The following SCN1A variants were observed in gnomAD, a reference collection of about 807,000 sequenced individuals.
The protein encoded by SCN1A is sodium channel protein type 1 subunit alpha.
A neutral mutation model predicts 193.7 loss-of-function variants in SCN1A; 13 were observed. That is an observed-to-expected ratio of 0.07 (90% CI 0.04 to 0.11). The LOEUF is 0.11. Ranked by LOEUF, SCN1A falls within the 10% of genes least tolerant of loss-of-function variation. The pLI, the probability that SCN1A is intolerant of heterozygous loss-of-function variation, is 1.00. For synonymous variants in SCN1A, 781 were observed against 843.6 expected (o/e 0.93, Z 1.29); for missense variants, 1,432 against 2,451.1 (o/e 0.58, Z 8.78).
Position 165,990,663 on chromosome 2 carries a change from C to G in SCN1A, c.*582G>C, listed in dbSNP as rs1689005035. On this transcript the variant is annotated 3_prime_UTR_variant, in exon 29 of 29. Transcript: ENST00000674923. ...TGTGACTTTTTCTCATGCATGATCT[C>G]TAAGTGCAGCATGCCCTCATGCAAA... The G allele has an allele frequency of 6.5e-6, 1 of 153,150 alleles. No individual in the cohort carries two copies. The allele number at this position is 153,150 out of a possible 1,614,324, so 9.5% of individuals were successfully genotyped here.
chr2:166,090,065 G>T (rs181954229), intron 2 of SCN1A, among the ~76,000 whole-genome samples: 1 of 109,712 alleles, frequency 9.1e-6, no homozygotes, highest in African/African-American at 3.9e-5. Flanking sequence ...TTTGATATAG[G>T]GTATTGCCCT....
At chr2:166,108,970 T>C (rs932699635) in intron 2 of SCN1A, among the ~76,000 whole-genome samples, 3 of 152,214 alleles carry the variant, frequency 2.0e-5, no homozygotes, top group South Asian at 4.1e-4. Context: ...GTGATAATTA[T>C]TTGATTCCCT....
chr2:166,113,527 T>C (rs559564441), intron 2 of SCN1A, among the ~76,000 whole-genome samples: 61 of 151,388 alleles, frequency 4.0e-4, no homozygotes, highest in African/African-American at 1.4e-3. Context: ...CTGTCATTTG[T>C]CTTTTAGCTT....
intron 19 of SCN1A, among the ~76,000 whole-genome samples, chr2:166,023,039 T>G (rs1027259607): frequency 6.6e-6 from 1 of 152,162 alleles, no homozygotes; most frequent in African/African-American, 2.4e-5. Flanking sequence ...GATGCAAAAT[T>G]CTCAACTTTA....
At chr2:166,088,277 T>A (rs1686369969) in intron 2 of SCN1A, among the ~76,000 whole-genome samples, 1 of 152,074 alleles carries the variant, frequency 6.6e-6, no homozygotes, top group African/African-American at 2.4e-5. Context: ...AAAGTGAATG[T>A]TGATAAACAT....
intron 22 of SCN1A, among the ~76,000 whole-genome samples, chr2:166,011,507 A>C (rs1347567496): frequency 6.9e-6 from 1 of 143,988 alleles, no homozygotes; most frequent in Non-Finnish European, 1.6e-5. Flanking sequence ...TTCACTGCTG[A>C]ATAAAGTAGA....
At position 165,991,492 on chromosome 2, in the gene SCN1A, C is replaced by T. The variant is rs1477444505; in HGVS notation, c.5783G>A (p.Arg1928His). The T allele has an allele frequency of 4.3e-6, 7 of 1,613,748 alleles. No individual in the cohort carries two copies. Among genetic ancestry groups the T allele is most frequent in the East Asian group, 2.2e-5 (1 of 44,850 alleles). The change falls in exon 29 of 29, where the codon CGC becomes CAC. Residue 1928 changes from arginine (R) to histidine (H), a missense_variant. Physicochemically the swap from Arg to His is conservative, Grantham distance 29. Transcript: ENST00000674923. Reference sequence around the variant, plus strand: ...TTTTACAGTTCGCTTTAAAAGGTGGCGTCTGTAAGCACGCTGAATAATGAC... The same window carrying T: ...TTTTACAGTTCGCTTTAAAAGGTGGTGTCTGTAAGCACGCTGAATAATGAC... ...SAVIIQRAYR[R>H]HLLKRTVKQA... is the part of the protein sequence containing the mutation.
At chr2:166,042,889 T>C (rs1330306902) in intron 14 of SCN1A, among the ~76,000 whole-genome samples, 1 of 152,176 alleles carries the variant, frequency 6.6e-6, no homozygotes, top group African/African-American at 2.4e-5. Context: ...AGATGGTCAT[T>C]GACAACACAA....
chr2:166,070,171 G>A (rs1209033248), intron 4 of SCN1A, among the ~76,000 whole-genome samples: 1 of 152,110 alleles, frequency 6.6e-6, no homozygotes, highest in Non-Finnish European at 1.5e-5. Flanking sequence ...ACTTATAAAA[G>A]TCTTAAGACA....
At chr2:166,079,891 T>G (rs1355936768) in intron 2 of SCN1A, among the ~76,000 whole-genome samples, 1 of 151,546 alleles carries the variant, frequency 6.6e-6, no homozygotes, top group Non-Finnish European at 1.5e-5. Context: ...AAAAAGTATT[T>G]TTTTAACTCT....
chr2:166,036,365 A>G lies in SCN1A; in HGVS notation c.3112T>C (p.Phe1038Leu). 6.2e-7 allele frequency: 1 copy of G among 1,606,214 alleles called. No individual in the cohort carries two copies. Among genetic ancestry groups the G allele is most frequent in the South Asian group, 1.1e-5 (1 of 89,098 alleles). Residue 1038 changes from phenylalanine (F) to leucine (L), a missense_variant, in exon 19 of 29, where the codon TTC becomes CTC. By Grantham distance (22) the Phe-to-Leu change is conservative. Transcript: ENST00000674923. ...RKIYEFIQQS[F>L]IRKQKILDEI... is the part of the protein sequence containing the mutation. ...TCTAAAATCTTTTGTTTCCTAATGA[A>G]GGACTGTTGAATAAATTCATATATT...
At chr2:166,132,370 TC>T (rs1208871371), upstream of SCN1A, among the ~76,000 whole-genome samples, 5 of 82,738 alleles carry the variant, frequency 6.0e-5, no homozygotes, top group Admixed American at 1.6e-4. Context: ...GATGTCAATT[TC>T]CTAGTGGTTT....
chr2:166,092,869 A>G (rs1327166359), intron 2 of SCN1A, among the ~76,000 whole-genome samples: 4 of 152,162 alleles, frequency 2.6e-5, no homozygotes, highest in Non-Finnish European at 4.4e-5. Flanking sequence ...ATAATAACAC[A>G]TGATAGGTGC....
chr2:166,097,079 T>C (rs1472355299), intron 2 of SCN1A, among the ~76,000 whole-genome samples: 1 of 151,460 alleles, frequency 6.6e-6, no homozygotes, highest in Admixed American at 6.6e-5. Context: ...TGTAGTGCAG[T>C]GGCATGATCG....
At chr2:166,090,004 T>TCTTC (rs61060750) in intron 2 of SCN1A, among the ~76,000 whole-genome samples, 66 of 148,370 alleles carry the variant, frequency 4.4e-4, no homozygotes, top group East Asian at 6.0e-4. Flanking sequence ...AAAGAAATTA[T>TCTTC]CTTCCTTCCT....
chr2:166,136,436 G>A (rs1691861642), intron 1 of SCN1A, among the ~76,000 whole-genome samples: 1 of 130,068 alleles, frequency 7.7e-6, no homozygotes, highest in African/African-American at 3.1e-5. Flanking sequence ...ATATATATAT[G>A]TTATGTTATG....
chr2:166,033,897 G>A (rs1695976168), intron 19 of SCN1A, among the ~76,000 whole-genome samples: 1 of 151,964 alleles, frequency 6.6e-6, no homozygotes, highest in Non-Finnish European at 1.5e-5. Flanking sequence ...GCTAAATGTA[G>A]GTCTAAAGAT....
chr2:166,143,302 G>T (rs895216707), intron 1 of SCN1A, among the ~76,000 whole-genome samples: 24 of 151,786 alleles, frequency 1.6e-4, no homozygotes, highest in Non-Finnish European at 3.1e-4. Context: ...GAGTAGCTGG[G>T]ACTACAGGCG....
At chr2:166,062,167 G>A (rs936648562) in intron 4 of SCN1A, among the ~76,000 whole-genome samples, 1 of 152,114 alleles carries the variant, frequency 6.6e-6, no homozygotes, top group Non-Finnish European at 1.5e-5. Flanking sequence ...TTTCTTCTGT[G>A]AGAACTCCAT....
Sources: allele counts gnomAD v4.1 joint callset (sites outside exome capture counted in the v4.1 genomes callset), GRCh38; gene constraint gnomAD v4.1.1; transcripts MANE v1.5; gene names NCBI Gene and HGNC (gene_info 2026-07-23, HGNC 2026-07-21).